Variants in CNTNAP2 observed in about 807,000 individuals in gnomAD.
CNTNAP2 encodes contactin-associated protein-like 2.
CNTNAP2 carries 98 observed loss-of-function variants against 155.2 expected under a neutral mutation model. The observed-to-expected ratio is 0.63, with a 90% confidence interval of 0.54 to 0.75. CNTNAP2 has a LOEUF of 0.75. Ranked by LOEUF, CNTNAP2 falls within the 30% of genes least tolerant of loss-of-function variation. The pLI is 0.00. For missense variants in CNTNAP2, 1,727 were observed against 1,688.1 expected (o/e 1.02, Z -0.40); for synonymous variants, 651 against 631.2 (o/e 1.03, Z -0.47).
intron 10 of CNTNAP2, among the ~76,000 whole-genome samples, chr7:147,471,987 T>A (rs1440300182): frequency 1.3e-5 from 2 of 152,080 alleles, no homozygotes; most frequent in African/African-American, 4.8e-5. Context: ...GAAAAGAGTG[T>A]ATTTGAAAAA....
At chr7:148,247,899 C>T (rs1796301340) in intron 20 of CNTNAP2, among the ~76,000 whole-genome samples, 1 of 151,978 alleles carries the variant, frequency 6.6e-6, no homozygotes, top group Admixed American at 6.6e-5. Flanking sequence ...AGCAATCTGC[C>T]CACCTCAGCC....
intron 1 of CNTNAP2, among the ~76,000 whole-genome samples, chr7:146,726,102 C>T (rs1217030142): frequency 6.6e-6 from 1 of 152,086 alleles, no homozygotes; most frequent in African/African-American, 2.4e-5. Context: ...TTGAAAACCT[C>T]AACGATTACA....
At chr7:148,204,875 ACTC>A (rs1362013536) in intron 18 of CNTNAP2, among the ~76,000 whole-genome samples, 3 of 152,112 alleles carry the variant, frequency 2.0e-5, no homozygotes, top group Admixed American at 2.0e-4. Flanking sequence ...TGAGTAAACT[ACTC>A]CTGTAAGCCT....
At chr7:147,159,153 G>A (rs1801980468) in intron 8 of CNTNAP2, among the ~76,000 whole-genome samples, 2 of 152,124 alleles carry the variant, frequency 1.3e-5, no homozygotes, top group African/African-American at 2.4e-5. Context: ...GGTTTCTGAA[G>A]CATGTGGGCC....
chr7:147,475,823 C>T (rs2116617842), intron 10 of CNTNAP2, among the ~76,000 whole-genome samples: 1 of 152,266 alleles, frequency 6.6e-6, no homozygotes, highest in East Asian at 1.9e-4. Flanking sequence ...AGGTCTCACT[C>T]TTTTTCTCAC....
intron 1 of CNTNAP2, among the ~76,000 whole-genome samples, chr7:146,293,213 A>G (rs963358296): frequency 6.6e-6 from 1 of 152,182 alleles, no homozygotes; most frequent in South Asian, 2.1e-4. Context: ...AAGCACAATA[A>G]CTTCATTTTA....
chr7:146,837,191 A>G (rs937700765), intron 2 of CNTNAP2, among the ~76,000 whole-genome samples: 6 of 152,030 alleles, frequency 3.9e-5, no homozygotes, highest in East Asian at 1.9e-4. Flanking sequence ...CTCCACTTGC[A>G]TGATTGTTAG....
intron 13 of CNTNAP2, among the ~76,000 whole-genome samples, chr7:147,754,297 T>C (rs1030231003): frequency 1.3e-5 from 2 of 152,206 alleles, no homozygotes; most frequent in African/African-American, 4.8e-5. Flanking sequence ...CAATTCATCA[T>C]CATCTTAAAC....
At chr7:146,604,918 C>A in intron 1 of CNTNAP2, among the ~76,000 whole-genome samples, 1 of 104,222 alleles carries the variant, frequency 9.6e-6, no homozygotes, top group African/African-American at 3.8e-5. Context: ...ACTCTGGGGA[C>A]TGTTGTGGGG....
chr7:146,759,832 A>G (rs1200873594), intron 1 of CNTNAP2, among the ~76,000 whole-genome samples: 1 of 152,088 alleles, frequency 6.6e-6, no homozygotes, highest in Non-Finnish European at 1.5e-5. Context: ...GTTCGCAGTT[A>G]CCATAACACC....
intron 15 of CNTNAP2, among the ~76,000 whole-genome samples, chr7:148,002,356 G>A (rs1801913614): frequency 1.3e-5 from 2 of 151,954 alleles, no homozygotes; most frequent in African/African-American, 2.4e-5. Context: ...CATTTCAATG[G>A]CTCTTTACCT....
chr7:147,437,031 CT>C (rs1256114540), intron 10 of CNTNAP2, among the ~76,000 whole-genome samples: 1 of 151,536 alleles, frequency 6.6e-6, no homozygotes, highest in East Asian at 2.0e-4. Context: ...AGGAGGAAGC[CT>C]GTATAAAGTT....
At chr7:147,888,985 A>G (rs1367613774) in intron 13 of CNTNAP2, among the ~76,000 whole-genome samples, 1 of 152,144 alleles carries the variant, frequency 6.6e-6, no homozygotes, top group Non-Finnish European at 1.5e-5. Flanking sequence ...AAACAAGATG[A>G]AGCTAAAAAA....
intron 3 of CNTNAP2, among the ~76,000 whole-genome samples, chr7:146,987,078 G>T (rs1033173705): frequency 6.6e-6 from 1 of 152,078 alleles, no homozygotes; most frequent in Admixed American, 6.6e-5. Context: ...TGGAACACAG[G>T]CAAAGCTCAA....
chr7:148,258,486 A>G (rs1796496608), intron 20 of CNTNAP2, among the ~76,000 whole-genome samples: 2 of 152,124 alleles, frequency 1.3e-5, no homozygotes, highest in African/African-American at 4.8e-5. Context: ...CGTATTTTCA[A>G]TTGCAAATGG....
chr7:147,340,143 C>CT (rs1795736074), intron 9 of CNTNAP2, among the ~76,000 whole-genome samples: 3 of 151,494 alleles, frequency 2.0e-5, no homozygotes, highest in Admixed American at 1.3e-4. Flanking sequence ...TAACTTTAAC[C>CT]TGAAGGTACA....
chr7:146,960,046 C>T lies in CNTNAP2; in HGVS notation c.403-83861C>T, dbSNP rs547226474. Among the ~76,000 whole-genome samples the T allele has an allele frequency of 7.2e-5, 11 of 152,266 alleles. No individual in the cohort carries two copies. In the South Asian group the frequency reaches 2.3e-3, roughly 32 times the overall value. ...TGTCCACTCGCAAATGTTTTCGTGT[C>T]ACCTGACACTCACCTTCTCTTCTCG... On this transcript the variant is annotated intron_variant, in intron 3 of 23. Transcript: ENST00000361727.
intron 21 of CNTNAP2, among the ~76,000 whole-genome samples, chr7:148,301,289 G>A (rs1385878855): frequency 8.1e-5 from 4 of 49,318 alleles, no homozygotes; most frequent in Non-Finnish European, 1.5e-4. Flanking sequence ...GCGAGACTCC[G>A]TCTAAAAAAA....
rs576260293 is a variant in CNTNAP2 at position 146,266,513 on chromosome 7, A to G, written c.97+149540A>G. On this transcript the variant is annotated intron_variant, in intron 1 of 23. Transcript: ENST00000361727. ...TTGATTTTTTTTATTTTGGGAATAC[A>G]AATTTAACTTGTGGAGAGACTGATG... is the stretch of plus-strand genomic sequence containing the variant. Among the ~76,000 whole-genome samples, 4 of 152,328 alleles carry G rather than the reference A, an allele frequency of 2.6e-5. No individual in the cohort carries two copies. The East Asian group carries it at 7.7e-4, about 29-fold the overall frequency.
Sources: allele counts gnomAD v4.1 joint callset (sites outside exome capture counted in the v4.1 genomes callset), GRCh38; gene constraint gnomAD v4.1.1; transcripts MANE v1.5; gene names NCBI Gene and HGNC (gene_info 2026-07-23, HGNC 2026-07-21).